CCDC141: variants seen among roughly 807,000 people sequenced by gnomAD.
CCDC141 encodes coiled-coil domain containing 141.
In CCDC141, 168 loss-of-function variants were observed where a neutral mutation model predicts 181.0. The ratio of observed to expected loss-of-function variants is 0.93; its 90% confidence interval spans 0.82 to 1.05. CCDC141 has a LOEUF of 1.05. Among genes scored for constraint, CCDC141 ranks in the 50% least tolerant of loss-of-function variants. The probability of loss-of-function intolerance (pLI) is 0.00; values close to 1 mark genes in which losing one functional copy is unlikely to be tolerated. For missense variants in CCDC141, 1,902 were observed against 1,788.5 expected (o/e 1.06, Z -1.14); for synonymous variants, 666 against 642.3 (o/e 1.04, Z -0.56).
intron 7 of CCDC141, among the ~76,000 whole-genome samples, chr2:178,907,682 A>C (rs568337775): frequency 1.3e-5 from 2 of 152,196 alleles, no homozygotes; most frequent in African/African-American, 4.8e-5. Flanking sequence ...AGCCAAGTGC[A>C]ACAAAATGTT....
chr2:178,964,868 A>T (rs1224623008), intron 4 of CCDC141, among the ~76,000 whole-genome samples: 1 of 152,232 alleles, frequency 6.6e-6, no homozygotes, highest in Non-Finnish European at 1.5e-5. Flanking sequence ...TTACTGACAC[A>T]ATACCTTGTG....
chr2:179,049,747 G>T (rs1020337830), intron 1 of CCDC141, 93 bp downstream of exon 1: 2 of 1,370,306 alleles, frequency 1.5e-6, no homozygotes, highest in Non-Finnish European at 2.0e-6. Flanking sequence ...TCTCTATGCT[G>T]TGTCCTGCCG....
intron 8 of CCDC141, among the ~76,000 whole-genome samples, chr2:178,891,311 T>A (rs1217485173): frequency 6.6e-6 from 1 of 152,162 alleles, no homozygotes; most frequent in Non-Finnish European, 1.5e-5. Context: ...AGTAGGATTG[T>A]TATCCCCATT....
chr2:179,018,758 T>C (rs1179395902), intron 2 of CCDC141, among the ~76,000 whole-genome samples: 1 of 152,160 alleles, frequency 6.6e-6, no homozygotes, highest in African/African-American at 2.4e-5. Context: ...TTAAATTCTG[T>C]AGATTACAAA....
chr2:178,823,889 T>C, the CCDC141 span, among the ~76,000 whole-genome samples: 1 of 152,218 alleles, frequency 6.6e-6, no homozygotes, highest in South Asian at 2.1e-4. Flanking sequence ...TAACTCTCTG[T>C]ATGATACCAC....
Position 178,989,612 on chromosome 2 carries a change from AT to A in CCDC141, c.226-10938del, listed in dbSNP as rs1364244791. Reference sequence around the variant, plus strand: ...CTGCCTCAAAAAAAAAAAAAAATAAATAAATAAATAAATAAATAAATAAATA... The same window carrying A: ...CTGCCTCAAAAAAAAAAAAAAATAAAAAATAAATAAATAAATAAATAAATA... On this transcript the variant is annotated intron_variant, in intron 2 of 23. Coordinates refer to ENST00000443758, the MANE Select transcript of CCDC141 (RefSeq NM_173648.4). 4.3e-4 allele frequency among the ~76,000 whole-genome samples: 61 copies of A among 140,600 alleles called. 2 individuals carry two copies. In the East Asian group the frequency reaches 9.2e-3, roughly 21 times the overall value. The allele number at this position is 140,600 out of a possible 152,430, so 92.2% of individuals were successfully genotyped here. A position where few individuals can be genotyped will look rare whatever the true frequency, so the allele number is the denominator to read the frequency against.
At chr2:178,992,218 G>T (rs1300655850) in intron 2 of CCDC141, among the ~76,000 whole-genome samples, 1 of 150,972 alleles carries the variant, frequency 6.6e-6, no homozygotes, top group Admixed American at 6.6e-5. Context: ...GGGTTTTCCA[G>T]TTAATTTCAC....
rs1393642588 is a variant in CCDC141 at position 178,831,524 on chromosome 2, T to C, written c.*2649A>G. On this transcript the variant is annotated 3_prime_UTR_variant, in exon 24 of 24. Coordinates refer to ENST00000443758, the MANE Select transcript of CCDC141 (RefSeq NM_173648.4). Reference sequence around the variant, plus strand: ...TGATATTACTAACCATTCAGGATTTTCTCTAGAAGTAAATGGTTATAAATT... The same window carrying C: ...TGATATTACTAACCATTCAGGATTTCCTCTAGAAGTAAATGGTTATAAATT... 1.3e-5 allele frequency: 2 copies of C among 152,188 alleles called. No individual in the cohort carries two copies. The highest frequency in any genetic ancestry group is 2.4e-5 in the African/African-American group (1 of 41,446). The allele number at this position is 152,188 out of a possible 1,614,324, so 9.4% of individuals were successfully genotyped here.
chr2:178,838,564 T>C (rs1684587901), intron 22 of CCDC141, among the ~76,000 whole-genome samples: 2 of 152,230 alleles, frequency 1.3e-5, no homozygotes, highest in Admixed American at 1.3e-4. Context: ...AAAATATTTA[T>C]TGAGCACCTA....
intron 2 of CCDC141, among the ~76,000 whole-genome samples, chr2:178,979,691 G>C (rs1224011777): frequency 6.6e-6 from 1 of 152,090 alleles, no homozygotes; most frequent in Non-Finnish European, 1.5e-5. Context: ...GAATAAATTA[G>C]AATCAAAACA....
Position 178,978,518 on chromosome 2 carries a change from C to A in CCDC141, c.383G>T (p.Arg128Met). The A allele has an allele frequency of 6.6e-7, 1 of 1,524,478 alleles. No homozygotes were observed. The highest frequency in any genetic ancestry group is 8.8e-7 in the Non-Finnish European group (1 of 1,137,052). The allele number at this position is 1,524,478 out of a possible 1,614,324, so 94.4% of individuals were successfully genotyped here. ...ATTTTCAAAAAATTCAGAAGTCAAC[C>A]TAAGGAGCTCTGTTCTTCTTTCAAG... The part of the protein sequence containing the change: ...SMLERRTELL[R>M]LTSEFFENAL... Residue 128 changes from arginine (R) to methionine (M), a missense_variant, in exon 3 of 24, where the codon AGG becomes ATG. Transcript: ENST00000443758.
chr2:178,847,812 G>A (rs1420841966), intron 21 of CCDC141, among the ~76,000 whole-genome samples: 1 of 152,150 alleles, frequency 6.6e-6, no homozygotes, highest in Non-Finnish European at 1.5e-5. Context: ...GAAGTGATTA[G>A]GTCATGAGGG....
chr2:178,970,253 C>T (rs1243477287), intron 4 of CCDC141, among the ~76,000 whole-genome samples: 1 of 152,188 alleles, frequency 6.6e-6, no homozygotes, highest in Non-Finnish European at 1.5e-5. Context: ...ACTTTCTTCA[C>T]AGAATTGGAA....
chr2:178,853,406 T>C (rs13033688), intron 20 of CCDC141, 35 bp downstream of exon 20: 1 of 1,597,576 alleles, frequency 6.3e-7, no homozygotes, highest in South Asian at 1.1e-5. Context: ...ATTTGTTCAA[T>C]GGCCAATCAC....
intron 2 of CCDC141, among the ~76,000 whole-genome samples, chr2:178,982,487 C>G (rs1559025466): frequency 6.6e-6 from 1 of 152,198 alleles, no homozygotes; most frequent in African/African-American, 2.4e-5. Context: ...AGGAACAGCT[C>G]TGGTCTACAG....
intron 21 of CCDC141, 139 bp downstream of exon 21, chr2:178,849,910 G>C: frequency 1.7e-6 from 1 of 576,692 alleles, no homozygotes; most frequent in East Asian, 3.0e-5. Flanking sequence ...AGATAATTAT[G>C]TTTGAAAGCT....
In CCDC141 at chr2:178,878,021, T is replaced by TA; in HGVS notation, c.1841dup (p.Leu614PhefsTer13). The TA allele has an allele frequency of 6.2e-7, 1 of 1,613,928 alleles. No individual in the cohort carries two copies. The highest frequency in any genetic ancestry group is 8.5e-7 in the Non-Finnish European group (1 of 1,179,884). ...GATCTTGTGTTATAAAACTCTTCTTTAAAAATAGCTGCCACTGCTTCTCAG... is the reference window on the plus strand; with the variant it reads ...GATCTTGTGTTATAAAACTCTTCTTTAAAAAATAGCTGCCACTGCTTCTCAG... On this transcript the variant is annotated frameshift_variant, in exon 12 of 24. Coordinates refer to ENST00000443758, the MANE Select transcript of CCDC141 (RefSeq NM_173648.4). LOFTEE classifies it high-confidence loss of function.
intron 7 of CCDC141, among the ~76,000 whole-genome samples, chr2:178,911,288 A>G (rs1477552108): frequency 6.6e-6 from 1 of 152,218 alleles, no homozygotes; most frequent in East Asian, 1.9e-4. Flanking sequence ...TCTGTGCTGT[A>G]GCCACGTATT....
chr2:178,865,793 A>G lies in CCDC141; in HGVS notation c.2698T>C (p.Cys900Arg). 6.3e-7 allele frequency: 1 copy of G among 1,582,240 alleles called. No individual in the cohort carries two copies. The highest frequency in any genetic ancestry group is 8.6e-7 in the Non-Finnish European group (1 of 1,165,892). ...TCATTTATCTCGTCTCTCATGGCGC[A>G]GTACTCCACACTACGGGACAGGGTC... ...GRTLSRSVEYCAMRDEINELK... is the reference protein window; with the variant it reads ...GRTLSRSVEYRAMRDEINELK... The change falls in exon 17 of 24, where the codon TGC becomes CGC. Residue 900 changes from cysteine to arginine, a missense_variant. By Grantham distance (180) the Cys-to-Arg change is radical. Coordinates refer to ENST00000443758, the MANE Select transcript of CCDC141 (RefSeq NM_173648.4).
Sources: gnomAD v4.1 joint callset for allele counts (sites outside exome capture counted in the v4.1 genomes callset) on GRCh38, gnomAD v4.1.1 for gene constraint, MANE v1.5 for transcripts, NCBI Gene and HGNC (gene_info 2026-07-23, HGNC 2026-07-21) for gene names.